The following LTA4H variants were observed in gnomAD, a reference collection of about 807,000 sequenced individuals.
LTA4H encodes the protein leukotriene A4 hydrolase.
Under a neutral mutation model 89.8 loss-of-function variants are expected in LTA4H, and 59 were observed. The ratio of observed to expected loss-of-function variants is 0.66; its 90% CI spans 0.53 to 0.82. The LOEUF (loss-of-function observed/expected upper bound fraction) is 0.82. Among genes scored for constraint, LTA4H ranks in the 40% least tolerant of loss-of-function variants. LTA4H has a pLI of 0.00. For synonymous variants in LTA4H, 227 were observed against 253.1 expected (o/e 0.90, Z 0.98); for missense variants, 617 against 727.0 (o/e 0.85, Z 1.74).
intron 17 of LTA4H, 36 bp from the exon 18 acceptor site, chr12:96,003,100 A>G: frequency 7.3e-7 from 1 of 1,372,068 alleles, no homozygotes. Context: ...TGGAGTAGAA[A>G]ATGAGGAAGG....
rs775541759 is a variant in LTA4H, at chr12:96,043,302, A to T, written c.74T>A (p.Leu25His). 27 of 1,535,108 alleles carry T rather than the reference A, an allele frequency of 1.8e-5. No homozygotes were observed. In the South Asian group the frequency reaches 3.1e-4, roughly 18 times the overall value. ...CTTGGAACTTACCTTTAAGGCTGCAAGAAGTCGACGAGTCTTAACTGGGAT... is the reference window on the plus strand; with the variant it reads ...CTTGGAACTTACCTTTAAGGCTGCATGAAGTCGACGAGTCTTAACTGGGAT... Residue 25 changes from leucine (L) to histidine (H), a missense_variant, in exon 1 of 18, where the codon CTT becomes CAT. By Grantham distance (99) the Leu-to-His change is moderately conservative. Transcript: ENST00000413268.
At chr12:96,006,978 T>C (rs1950212880) in intron 15 of LTA4H, among the ~76,000 whole-genome samples, 1 of 152,170 alleles carries the variant, frequency 6.6e-6, no homozygotes, top group Admixed American at 6.5e-5. Context: ...CTTATAAAAA[T>C]AAGGATTTTT....
In LTA4H at chr12:96,017,077, T is replaced by C. The variant is rs377393502; in HGVS notation, c.914A>G (p.Asn305Ser). 1.2e-6 allele frequency: 2 copies of C among 1,612,544 alleles called. No individual in the cohort carries two copies. The highest frequency in any genetic ancestry group is 1.7e-6 in the Non-Finnish European group (2 of 1,178,620). ...ATCCCAAGTTTTGTTGGTCACTAGA[T>C]TCCCTGTCCAGCTATGAGATATTTC... ...AHEISHSWTG[N>S]LVTNKTWDHF... Residue 305 changes from asparagine to serine, a missense_variant, in exon 10 of 19, where the codon AAT becomes AGT. Asn to Ser is a conservative substitution (Grantham distance 46). Transcript: ENST00000228740.
chr12:96,035,605 G>T, upstream of LTA4H: 2 of 1,473,606 alleles, frequency 1.4e-6, no homozygotes, highest in Non-Finnish European at 1.8e-6. Context: ...GGAGGAGGGA[G>T]AGAGGTAAAG....
In LTA4H at chr12:96,014,887, A is replaced by G; in HGVS notation, c.1172T>C (p.Leu391Pro). 1 of 1,613,582 alleles carries G rather than the reference A, an allele frequency of 6.2e-7. No individual in the cohort carries two copies. The highest frequency in any genetic ancestry group is 8.5e-7 in the Non-Finnish European group (1 of 1,179,796). The change falls in exon 12 of 19, where the codon CTT becomes CCT. Residue 391 changes from leucine to proline, a missense_variant. By Grantham distance (98) the Leu-to-Pro change is moderately conservative. Around this residue, in one of 3 missense-constraint regions of LTA4H, gnomAD observed 290 missense variants for 339.1 expected, o/e 0.86. Transcript: ENST00000228740. ...SVPYEKGFALLFYLEQLLGGP... is the reference protein window; with the variant it reads ...SVPYEKGFALPFYLEQLLGGP... ...TCCAAGCAGTTGTTCAAGGTAAAAA[A>G]GTAAAGCAAAGCCCTTCTCATAGGG...
intron 15 of LTA4H, among the ~76,000 whole-genome samples, chr12:96,008,337 A>G (rs1401502373): frequency 2.0e-5 from 3 of 152,206 alleles, no homozygotes; most frequent in Non-Finnish European, 4.4e-5. Flanking sequence ...ATTTTAGTAC[A>G]TATATGAAGA....
At chr12:96,030,830 T>C (rs1230830833) in intron 1 of LTA4H, among the ~76,000 whole-genome samples, 1 of 152,176 alleles carries the variant, frequency 6.6e-6, no homozygotes, top group Non-Finnish European at 1.5e-5. Flanking sequence ...TCTAAATTAG[T>C]AGAAGATACG....
chr12:96,035,717 C>T, upstream of LTA4H: 1 of 1,351,928 alleles, frequency 7.4e-7, no homozygotes, highest in Non-Finnish European at 9.6e-7. Flanking sequence ...CATGGTGCCG[C>T]GCGGCAAGCG....
chr12:96,020,978 G>A (rs758298922), intron 6 of LTA4H, 107 bp downstream of exon 6: 116 of 815,892 alleles, frequency 1.4e-4, no homozygotes, highest in Middle Eastern at 1.4e-3. Flanking sequence ...CTGTCAGCTT[G>A]ATATCTTGAG....
chr12:96,035,616 A>G, upstream of LTA4H: 1 of 1,465,976 alleles, frequency 6.8e-7, no homozygotes, highest in Non-Finnish European at 9.1e-7. Context: ...AGAGGTAAAG[A>G]AGAGGAGGAG....
upstream of LTA4H, among the ~76,000 whole-genome samples, chr12:96,038,359 T>C (rs1950665201): frequency 6.6e-6 from 1 of 152,156 alleles, no homozygotes; most frequent in Non-Finnish European, 1.5e-5. Context: ...TCCTAATTCA[T>C]AGGGTGTAAG....
chr12:96,038,395 C>T (rs74239017), upstream of LTA4H, among the ~76,000 whole-genome samples: 15,687 of 152,032 alleles, frequency 0.1, 1,059 homozygotes, highest in East Asian at 0.3. Context: ...TTTGCATTTT[C>T]GGATTTTTTT....
chr12:96,006,934 C>G (rs1950212342), intron 15 of LTA4H, among the ~76,000 whole-genome samples: 1 of 152,082 alleles, frequency 6.6e-6, no homozygotes, highest in Non-Finnish European at 1.5e-5. Flanking sequence ...TCTCAAAAAT[C>G]TTTGAGAAGA....
intron 3 of LTA4H, 172 bp downstream of exon 3, chr12:96,027,272 G>C: frequency 6.0e-6 from 3 of 495,878 alleles, no homozygotes; most frequent in South Asian, 6.2e-5. Context: ...TGTATTAATA[G>C]TGAAAGATAA....
chr12:96,006,837 C>A (rs1480316476), intron 15 of LTA4H, among the ~76,000 whole-genome samples: 1 of 152,072 alleles, frequency 6.6e-6, no homozygotes, highest in African/African-American at 2.4e-5. Context: ...TTTCCTCCAT[C>A]CCCACATATT....
At position 96,027,393 on chromosome 12, in the gene LTA4H, C is replaced by T. The variant is rs184804694; in HGVS notation, c.411+51G>A. The T allele has an allele frequency of 4.1e-5, 63 of 1,536,624 alleles. 1 individual carries two copies. The African/African-American group carries it at 7.5e-4, about 18-fold the overall frequency. ...CACTGTTCATTTTGCTTCATTCAACCATAGGTGCTGAAATTTTCTGCATCA... is the reference window on the plus strand; with the variant it reads ...CACTGTTCATTTTGCTTCATTCAACTATAGGTGCTGAAATTTTCTGCATCA... On this transcript the variant is annotated intron_variant, in intron 3 of 18. Coordinates refer to ENST00000228740, the MANE Select transcript of LTA4H (RefSeq NM_000895.3).
chr12:96,028,250 G>A (rs569067331), intron 2 of LTA4H, among the ~76,000 whole-genome samples: 1 of 152,226 alleles, frequency 6.6e-6, no homozygotes, highest in Non-Finnish European at 1.5e-5. Flanking sequence ...TTCGAATCCT[G>A]ACTCTATCAC....
intron 1 of LTA4H, among the ~76,000 whole-genome samples, chr12:96,030,575 C>G (rs967649194): frequency 3.9e-5 from 6 of 152,140 alleles, no homozygotes; most frequent in Admixed American, 3.3e-4. Flanking sequence ...TCCCATTTCC[C>G]AACCCCACAC....
In LTA4H at chr12:96,002,951, G is replaced by C. The variant is rs752514476; in HGVS notation, c.1718+9C>G. 2.5e-6 allele frequency: 4 copies of C among 1,573,080 alleles called. No homozygotes were observed. Among genetic ancestry groups the C allele is most frequent in the Admixed American group, 3.6e-5 (2 of 55,550 alleles). On this transcript the variant is annotated intron_variant, in intron 18 of 18. Transcript: ENST00000228740. ...ATGAATTCAAAGTACGGTCTGAGTGGGTTCTTACTTGAATAAGGGCCGGGT... is the reference window on the plus strand; with the variant it reads ...ATGAATTCAAAGTACGGTCTGAGTGCGTTCTTACTTGAATAAGGGCCGGGT...
Sources: gnomAD v4.1 joint callset for allele counts (sites outside exome capture counted in the v4.1 genomes callset) on GRCh38, gnomAD v4.1.1 for gene constraint, gnomAD v4.1.1 regional missense constraint, MANE v1.5 for transcripts, NCBI Gene and HGNC (gene_info 2026-07-23, HGNC 2026-07-21) for gene names.